MYOCD: variants seen among roughly 807,000 people sequenced by gnomAD.
MYOCD encodes myocardin.
MYOCD carries 32 observed loss-of-function variants against 96.1 expected under a neutral mutation model. The observed-to-expected ratio is 0.33, with a 90% CI of 0.25 to 0.45. The LOEUF is 0.45. Ranked by LOEUF, MYOCD falls within the 20% of genes least tolerant of loss-of-function variation. The pLI, the probability that MYOCD is intolerant of heterozygous loss-of-function variation, is 1.00. For missense variants in MYOCD, 1,133 were observed against 1,200.6 expected (o/e 0.94, Z 0.83); for synonymous variants, 469 against 469.0 (o/e 1.00, Z 0.00).
At chr17:12,750,410 CG>C (rs893931052) in intron 9 of MYOCD, among the ~76,000 whole-genome samples, 1 of 151,904 alleles carries the variant, frequency 6.6e-6, no homozygotes, top group Non-Finnish European at 1.5e-5. Context: ...AATTTTGGGC[CG>C]GGCGCTATGG....
At chr17:12,704,082 T>C (rs1227113453) in intron 1 of MYOCD, among the ~76,000 whole-genome samples, 2 of 152,222 alleles carry the variant, frequency 1.3e-5, no homozygotes, top group African/African-American at 2.4e-5. Context: ...CACATTTTCC[T>C]AGTTTTTTGT....
chr17:12,738,789 A>G (rs2032420419), intron 6 of MYOCD, among the ~76,000 whole-genome samples: 2 of 151,742 alleles, frequency 1.3e-5, no homozygotes, highest in Non-Finnish European at 2.9e-5. Flanking sequence ...TTGCATTATC[A>G]AGACAGGTGG....
chr17:12,763,114 A>G lies in MYOCD; in HGVS notation c.2431A>G (p.Lys811Glu), dbSNP rs766441876. The change falls in exon 14 of 14, where the codon AAA becomes GAA. Residue 811 changes from lysine to glutamate, a missense_variant. By Grantham distance (56) the Lys-to-Glu change is moderately conservative (BLOSUM62 1). Transcript: ENST00000425538. Reference sequence around the variant, plus strand: ...TAGAGAGGATCACTCATGTCTTCAAAAAGTCCCAAAGATACCCAGATCTTC... The same window carrying G: ...TAGAGAGGATCACTCATGTCTTCAAGAAGTCCCAAAGATACCCAGATCTTC... Reference protein sequence around the residue: ...DAREDHSCLQKVPKIPRSSRS... With the variant: ...DAREDHSCLQEVPKIPRSSRS... 1.1e-5 allele frequency: 17 copies of G among 1,613,704 alleles called. No individual in the cohort carries two copies. In the Admixed American group the frequency reaches 2.7e-4, roughly 25 times the overall value.
At chr17:12,695,751 A>C (rs1441232197) in intron 1 of MYOCD, among the ~76,000 whole-genome samples, 2 of 152,204 alleles carry the variant, frequency 1.3e-5, no homozygotes, top group African/African-American at 2.4e-5. Context: ...TTAACTGTAC[A>C]GTTCAGTGGC....
rs2033408816 is a variant in MYOCD at position 12,768,881 on chromosome 17, A to G, written c.*5237A>G. The G allele has an allele frequency of 6.8e-6, 1 of 146,426 alleles. No homozygotes were observed. Among genetic ancestry groups the G allele is most frequent in the Admixed American group, 6.8e-5 (1 of 14,638 alleles). The allele number at this position is 146,426 out of a possible 1,614,324, so 9.1% of individuals were successfully genotyped here. A position where few individuals can be genotyped will look rare whatever the true frequency, so the allele number is the denominator to read the frequency against. On this transcript the variant is annotated 3_prime_UTR_variant, in exon 14 of 14. Coordinates refer to ENST00000425538, the MANE Select transcript of MYOCD (RefSeq NM_001146312.3). ...CAGTGGCTAAAATACCAAAGTTGGC[A>G]TGTGTTCTTTTTTAAAAAAAAAAAA...
chr17:12,768,898 A>ATTT lies in MYOCD; in HGVS notation c.*5254_*5255insTTT, dbSNP rs1346143141. 2.6e-5 allele frequency: 4 copies of ATTT among 151,544 alleles called. No homozygotes were observed. The highest frequency in any genetic ancestry group is 9.7e-5 in the African/African-American group (4 of 41,130). The allele number at this position is 151,544 out of a possible 1,614,324, so 9.4% of individuals were successfully genotyped here. A position where few individuals can be genotyped will look rare whatever the true frequency, so the allele number is the denominator to read the frequency against. On this transcript the variant is annotated 3_prime_UTR_variant, in exon 14 of 14. Transcript: ENST00000425538. ...AAGTTGGCATGTGTTCTTTTTTAAA[A>ATTT]AAAAAAAAAAATGCATATATTTTTA...
intron 5 of MYOCD, among the ~76,000 whole-genome samples, chr17:12,733,597 G>A (rs1193877034): frequency 1.3e-5 from 2 of 152,198 alleles, no homozygotes; most frequent in African/African-American, 4.8e-5. Flanking sequence ...GCTGGGTGCA[G>A]TGGCTCACGC....
chr17:12,688,872 T>G (rs2030295891), intron 1 of MYOCD, among the ~76,000 whole-genome samples: 1 of 152,142 alleles, frequency 6.6e-6, no homozygotes, highest in South Asian at 2.1e-4. Context: ...CTTGGCCTAT[T>G]TCTTGTTTCC....
At chr17:12,741,403 A>G (rs1311689290) in intron 7 of MYOCD, among the ~76,000 whole-genome samples, 5 of 152,200 alleles carry the variant, frequency 3.3e-5, no homozygotes, top group Admixed American at 6.5e-5. Flanking sequence ...ACAGTATTTA[A>G]ATTTTGCATA....
chr17:12,710,180 G>A (rs1430192170), intron 2 of MYOCD, among the ~76,000 whole-genome samples: 3 of 152,172 alleles, frequency 2.0e-5, no homozygotes, highest in Non-Finnish European at 4.4e-5. Context: ...CAGGAAGATT[G>A]AAGGAAAGAT....
intron 2 of MYOCD, among the ~76,000 whole-genome samples, chr17:12,708,943 G>C (rs1597766102): frequency 6.6e-6 from 1 of 152,234 alleles, no homozygotes; most frequent in East Asian, 1.9e-4. Context: ...AAAAAATTCA[G>C]TTAGAACTTA....
Position 12,735,399 on chromosome 17 carries a change from T to C in MYOCD, c.416-762T>C, listed in dbSNP as rs914815986. Among the ~76,000 whole-genome samples, 9 of 152,134 alleles carry C rather than the reference T, an allele frequency of 5.9e-5. No homozygotes were observed. In the South Asian group the frequency reaches 1.2e-3, roughly 21 times the overall value. ...TGATAACCCCTCTCCCACACCAATT[T>C]GTCTGTTCCCTTAGCAAAACCATGC... On this transcript the variant is annotated intron_variant, in intron 5 of 13. Transcript: ENST00000425538.
At chr17:12,679,707 T>C (rs550966603) in intron 1 of MYOCD, among the ~76,000 whole-genome samples, 1 of 152,270 alleles carries the variant, frequency 6.6e-6, no homozygotes, top group East Asian at 1.9e-4. Context: ...AAAGAAAATA[T>C]TTAAATACAT....
At chr17:12,757,774 A>G (rs1207161563) in intron 11 of MYOCD, among the ~76,000 whole-genome samples, 3 of 152,090 alleles carry the variant, frequency 2.0e-5, no homozygotes, top group Admixed American at 2.0e-4. Flanking sequence ...TATTACAGCT[A>G]TGAGCCATCA....
rs183573684 is a variant in MYOCD at position 12,724,179 on chromosome 17, A to G, written c.415+1171A>G. On this transcript the variant is annotated intron_variant, in intron 5 of 13. Transcript: ENST00000425538. Reference sequence around the variant, plus strand: ...AGCTCTTGGGCAGGTAAAAATCTCCATCAGGCATCTCTTATTGTTTCTTAA... The same window carrying G: ...AGCTCTTGGGCAGGTAAAAATCTCCGTCAGGCATCTCTTATTGTTTCTTAA... 9.8e-5 allele frequency among the ~76,000 whole-genome samples: 15 copies of G among 152,306 alleles called. No individual in the cohort carries two copies. The East Asian group carries it at 2.9e-3, about 29-fold the overall frequency.
intron 5 of MYOCD, among the ~76,000 whole-genome samples, chr17:12,734,120 T>C (rs60847490): frequency 0.067 from 9,681 of 145,260 alleles, 848 homozygotes; most frequent in African/African-American, 0.2. Context: ...TATGTAGATT[T>C]TGCAATTTGG....
At chr17:12,697,296 A>G (rs1317434744) in intron 1 of MYOCD, among the ~76,000 whole-genome samples, 2 of 147,090 alleles carry the variant, frequency 1.4e-5, no homozygotes, top group Non-Finnish European at 3.0e-5. Context: ...TAGGGTTCCA[A>G]TTCGCTGAGG....
chr17:12,693,462 G>A (rs1007796225), intron 1 of MYOCD, among the ~76,000 whole-genome samples: 2 of 151,562 alleles, frequency 1.3e-5, no homozygotes, highest in African/African-American at 4.8e-5. Flanking sequence ...ATACAAAAAT[G>A]AGCTGGACAT....
At position 12,765,848 on chromosome 17, in the gene MYOCD, ATCACAG is replaced by A. The variant is rs1168157772; in HGVS notation, c.*2207_*2212del. 1 of 152,264 alleles carries A rather than the reference ATCACAG, an allele frequency of 6.6e-6. No homozygotes were observed. The highest frequency in any genetic ancestry group is 1.5e-5 in the Non-Finnish European group (1 of 68,048). The allele number at this position is 152,264 out of a possible 1,614,324, so 9.4% of individuals were successfully genotyped here. A position where few individuals can be genotyped will look rare whatever the true frequency, so the allele number is the denominator to read the frequency against. On this transcript the variant is annotated 3_prime_UTR_variant, in exon 14 of 14. Transcript: ENST00000425538. Reference sequence around the variant, plus strand: ...TTCACCATTAGTAGCTGGAAATGGTATCACAGTCTCTTATAGAGGAATATGAAAGGA... The same window carrying A: ...TTCACCATTAGTAGCTGGAAATGGTATCTCTTATAGAGGAATATGAAAGGA...
Sources: allele counts gnomAD v4.1 joint callset (sites outside exome capture counted in the v4.1 genomes callset), GRCh38; gene constraint gnomAD v4.1.1; transcripts MANE v1.5; gene names NCBI Gene and HGNC (gene_info 2026-07-23, HGNC 2026-07-21).